FMNL2: variants seen among roughly 807,000 people sequenced by gnomAD.
FMNL2 encodes formin-like protein 2.
FMNL2 carries 51 observed loss-of-function variants against 130.2 expected under a neutral mutation model. The ratio of observed to expected loss-of-function variants is 0.39; its 90% CI spans 0.31 to 0.49. The LOEUF (loss-of-function observed/expected upper bound fraction) is 0.49. Ranked by LOEUF, FMNL2 falls within the 20% of genes least tolerant of loss-of-function variation. The pLI, the probability that FMNL2 is intolerant of heterozygous loss-of-function variation, is 0.85. For missense variants in FMNL2, 977 were observed against 1,316.2 expected (o/e 0.74, Z 3.99); for synonymous variants, 465 against 467.1 (o/e 1.00, Z 0.06).
chr2:152,519,513 C>T (rs919288805), intron 1 of FMNL2, among the ~76,000 whole-genome samples: 7 of 152,146 alleles, frequency 4.6e-5, no homozygotes, highest in African/African-American at 9.7e-5. Context: ...AGTGCTTCCA[C>T]GGGAATGTCT....
chr2:152,630,580 C>T (rs1181171073), intron 20 of FMNL2, among the ~76,000 whole-genome samples: 1 of 152,156 alleles, frequency 6.6e-6, no homozygotes, highest in Non-Finnish European at 1.5e-5. Flanking sequence ...ACGTGATTGT[C>T]ACATGAGAAG....
intron 25 of FMNL2, among the ~76,000 whole-genome samples, chr2:152,645,844 T>A (rs1268852192): frequency 2.0e-5 from 3 of 152,148 alleles, no homozygotes; most frequent in Non-Finnish European, 4.4e-5. Flanking sequence ...TGAAAGCAGG[T>A]CCTGGCCAGG....
intron 25 of FMNL2, chr2:152,645,525 C>T: frequency 7.8e-7 from 1 of 1,289,190 alleles, no homozygotes; most frequent in Non-Finnish European, 1.0e-6. Context: ...ATACACAGAG[C>T]TGGCAAGCAT....
chr2:152,531,104 G>A (rs1307864732), intron 2 of FMNL2, among the ~76,000 whole-genome samples: 1 of 152,086 alleles, frequency 6.6e-6, no homozygotes, highest in Non-Finnish European at 1.5e-5. Context: ...ACCACTGTTG[G>A]TTCTCTTCAC....
intron 25 of FMNL2, among the ~76,000 whole-genome samples, chr2:152,644,547 C>A (rs1463757413): frequency 1.3e-5 from 2 of 152,204 alleles, no homozygotes; most frequent in African/African-American, 4.8e-5. Context: ...TGTCACCCTA[C>A]TTTAGTAGGC....
At chr2:152,617,298 G>T in intron 13 of FMNL2, 106 bp downstream of exon 13, 1 of 984,028 alleles carries the variant, frequency 1.0e-6, no homozygotes, top group South Asian at 1.5e-5. Flanking sequence ...ATGCATTGAT[G>T]CAGCATATTT....
At chr2:152,586,441 G>A (rs1467961023) in intron 9 of FMNL2, among the ~76,000 whole-genome samples, 2 of 152,210 alleles carry the variant, frequency 1.3e-5, no homozygotes, top group African/African-American at 4.8e-5. Flanking sequence ...TGGGCAGGAA[G>A]GAGAGTGAAG....
rs1463244116 is a variant in FMNL2 at position 152,649,512 on chromosome 2, A to ACTT, written c.*1608_*1610dup. ...GCACATTCCCATAAATGTGTACTTT[A>ACTT]CTTTAAAAAGAACATGCCACGATTT... On this transcript the variant is annotated 3_prime_UTR_variant, in exon 26 of 26. Transcript: ENST00000288670. The ACTT allele has an allele frequency of 2.6e-5, 4 of 152,602 alleles. No homozygotes were observed. Among genetic ancestry groups the ACTT allele is most frequent in the Non-Finnish European group, 5.9e-5 (4 of 68,026 alleles). The allele number at this position is 152,602 out of a possible 1,614,324, so 9.5% of individuals were successfully genotyped here.
chr2:152,589,452 T>A (rs372104250), intron 9 of FMNL2, among the ~76,000 whole-genome samples: 14 of 152,310 alleles, frequency 9.2e-5, no homozygotes, highest in African/African-American at 2.9e-4. Flanking sequence ...CCTTATTTCA[T>A]ATTCTTGGAA....
chr2:152,469,412 A>G (rs993030600), intron 1 of FMNL2, among the ~76,000 whole-genome samples: 1 of 152,160 alleles, frequency 6.6e-6, no homozygotes, highest in African/African-American at 2.4e-5. Flanking sequence ...CCTACTTCTG[A>G]CTACTTTTCT....
rs188180848 is a variant in FMNL2 at position 152,636,604 on chromosome 2, C to G, written c.2844+14C>G. The G allele has an allele frequency of 3.2e-6, 5 of 1,552,168 alleles. No homozygotes were observed. The African/African-American group carries it at 6.8e-5, about 21-fold the overall frequency. On this transcript the variant is annotated intron_variant, in intron 22 of 25. Transcript: ENST00000288670. Reference sequence around the variant, plus strand: ...AAGATCGCACAGGCAAGTATTGGTGCCCCTGAAACCTGTGAAGAGGCTGCA... The same window carrying G: ...AAGATCGCACAGGCAAGTATTGGTGGCCCTGAAACCTGTGAAGAGGCTGCA...
At chr2:152,351,271 G>C (rs1003317809) in intron 1 of FMNL2, among the ~76,000 whole-genome samples, 2 of 152,098 alleles carry the variant, frequency 1.3e-5, no homozygotes, top group African/African-American at 4.8e-5. Flanking sequence ...ACATGCCATG[G>C]TTTGCTGTAC....
chr2:152,548,094 T>G (rs1694744264), intron 3 of FMNL2, among the ~76,000 whole-genome samples: 1 of 151,892 alleles, frequency 6.6e-6, no homozygotes, highest in Admixed American at 6.6e-5. Flanking sequence ...GAAGGGTAGG[T>G]GGGATTTTAA....
chr2:152,394,971 G>A (rs1685314303), intron 1 of FMNL2, among the ~76,000 whole-genome samples: 1 of 152,114 alleles, frequency 6.6e-6, no homozygotes, highest in Admixed American at 6.5e-5. Context: ...TTCCAATTCA[G>A]TTGACTATAA....
chr2:152,591,558 C>T (rs1193616093), intron 9 of FMNL2, among the ~76,000 whole-genome samples: 2 of 152,220 alleles, frequency 1.3e-5, no homozygotes, highest in Non-Finnish European at 2.9e-5. Flanking sequence ...GTAATCCCAG[C>T]GCCCTGGGAC....
At chr2:152,351,850 T>C (rs1364312102) in intron 1 of FMNL2, among the ~76,000 whole-genome samples, 1 of 152,182 alleles carries the variant, frequency 6.6e-6, no homozygotes, top group Non-Finnish European at 1.5e-5. Context: ...CTCCACAGCC[T>C]CACCAGCACC....
rs1690224525 is a variant in FMNL2 at position 152,477,625 on chromosome 2, T to C, written c.118-44318T>C. Among the ~76,000 whole-genome samples, 7 of 152,182 alleles carry C rather than the reference T, an allele frequency of 4.6e-5. No individual in the cohort carries two copies. In the South Asian group the frequency reaches 1.4e-3, roughly 32 times the overall value. On this transcript the variant is annotated intron_variant, in intron 1 of 25. Transcript: ENST00000288670. ...TTTGTTGTTTGGGTTTTTGGTCTAT[T>C]TGCAGCTTCTCAGGTCCTAGCCAAT...
At chr2:152,620,853 T>C in intron 15 of FMNL2, 1 of 863,926 alleles carries the variant, frequency 1.2e-6, no homozygotes, top group African/African-American at 1.8e-5. Context: ...CCCCGACTTC[T>C]ATATAAAACT....
chr2:152,510,537 TC>T (rs1382595705), intron 1 of FMNL2, among the ~76,000 whole-genome samples: 11 of 152,296 alleles, frequency 7.2e-5, no homozygotes, highest in Non-Finnish European at 1.6e-4. Context: ...ATGAAAGTGT[TC>T]CCTTAGACAT....
Sources: allele counts gnomAD v4.1 joint callset (sites outside exome capture counted in the v4.1 genomes callset), GRCh38; gene constraint gnomAD v4.1.1; transcripts MANE v1.5; gene names NCBI Gene and HGNC (gene_info 2026-07-23, HGNC 2026-07-21).